Variants in CDKL5 observed in about 807,000 individuals in gnomAD.
CDKL5 encodes the protein cyclin dependent kinase like 5, also known as cyclin-dependent kinase-like 5.
Under a neutral mutation model 61.7 loss-of-function variants are expected in CDKL5, and 8 were observed. The observed-to-expected ratio is 0.13, with a 90% CI of 0.08 to 0.23. The LOEUF is 0.23. CDKL5 is among the 10% of genes least tolerant of loss of function. CDKL5 has a pLI of 1.00. For synonymous variants in CDKL5, 275 were observed against 272.3 expected, an observed-to-expected ratio of 1.01 and a Z score of -0.10; for missense variants, 440 against 734.5, an observed-to-expected ratio of 0.60 and a Z score of 4.63.
chrX:18,441,464 A>G (rs376009029), intron 1 of CDKL5, among the ~76,000 whole-genome samples: 1 of 110,939 alleles, frequency 9.0e-6, no homozygotes, highest in African/African-American at 3.3e-5. Context: ...CACTGCCCCT[A>G]TCTCTTCAGG....
chrX:18,633,442 C>G lies in CDKL5; in HGVS notation c.*4685C>G. 1 of 754,524 alleles carries G rather than the reference C, an allele frequency of 1.3e-6. No homozygotes were observed. Among genetic ancestry groups the G allele is most frequent in the Non-Finnish European group, 1.6e-6 (1 of 639,410 alleles). The allele number at this position is 754,524 out of a possible 1,213,427, so 62.2% of individuals were successfully genotyped here. On this transcript the variant is annotated 3_prime_UTR_variant, in exon 18 of 18. Coordinates refer to ENST00000623535, the MANE Select transcript of CDKL5 (RefSeq NM_001323289.2). ...CCAGAATCTCACAAGAAGATCCTCT[C>G]AAAGACTTAAAAGCCTGGCTTACAA...
intron 21 of CDKL5, chrX:18,653,385 G>A (rs375094737): frequency 3.0e-5 from 36 of 1,197,964 alleles, no homozygotes; most frequent in Non-Finnish European, 4.0e-5. Context: ...ACCTGCTAGC[G>A]CTCCTGGCAG....
Position 18,631,645 on chromosome X carries a change from T to G in CDKL5, c.*2888T>G, listed in dbSNP as rs1445693477. On this transcript the variant is annotated 3_prime_UTR_variant, in exon 18 of 18. Transcript: ENST00000623535. Reference sequence around the variant, plus strand: ...GTAACTTCCTAAAGAAGAAAAAGGGTGAATGAAAGCTTATGTTACTTTTAT... The same window carrying G: ...GTAACTTCCTAAAGAAGAAAAAGGGGGAATGAAAGCTTATGTTACTTTTAT... 19 of 752,377 alleles carry G rather than the reference T, an allele frequency of 2.5e-5. No individual in the cohort carries two copies. The highest frequency in any genetic ancestry group is 3.0e-5 in the Non-Finnish European group (19 of 638,512). The allele number at this position is 752,377 out of a possible 1,213,427, so 62.0% of individuals were successfully genotyped here.
intron 1 of CDKL5, among the ~76,000 whole-genome samples, chrX:18,470,919 A>G (rs1921072335): frequency 8.9e-6 from 1 of 111,979 alleles, no homozygotes; most frequent in Non-Finnish European, 1.9e-5. Flanking sequence ...GAAGAGCTGG[A>G]CACAGAGGGG....
chrX:18,608,180 G>A (rs1283244388), intron 12 of CDKL5, among the ~76,000 whole-genome samples: 2 of 111,466 alleles, frequency 1.8e-5, no homozygotes, highest in African/African-American at 3.3e-5. Flanking sequence ...ATAGTGGTAT[G>A]TCTTTGGAGA....
At chrX:18,570,569 C>A (rs1199202197) in intron 4 of CDKL5, among the ~76,000 whole-genome samples, 1 of 111,134 alleles carries the variant, frequency 9.0e-6, no homozygotes, top group Admixed American at 9.6e-5. Flanking sequence ...GTTGATTTTT[C>A]TTTATCAGTT....
intron 17 of CDKL5, among the ~76,000 whole-genome samples, chrX:18,625,961 G>A (rs1411581870): frequency 3.6e-5 from 4 of 110,833 alleles, no homozygotes; most frequent in Non-Finnish European, 7.5e-5. Context: ...TTATTCTTCT[G>A]CACTATAATT....
chrX:18,428,698 G>T (rs1212142672), intron 1 of CDKL5, among the ~76,000 whole-genome samples: 2 of 108,724 alleles, frequency 1.8e-5, no homozygotes, highest in African/African-American at 6.7e-5. Context: ...TATTTACTCA[G>T]AATTGGGTAA....
At chrX:18,448,196 T>C (rs1325324233) in intron 1 of CDKL5, among the ~76,000 whole-genome samples, 2 of 112,401 alleles carry the variant, frequency 1.8e-5, no homozygotes, top group East Asian at 2.8e-4. Context: ...TTTTCTGAGA[T>C]CCACCTGGGC....
At chrX:18,574,171 T>C (rs1925221822) in intron 4 of CDKL5, among the ~76,000 whole-genome samples, 1 of 111,970 alleles carries the variant, frequency 8.9e-6, no homozygotes, top group African/African-American at 3.3e-5. Flanking sequence ...CAAAAGCTTG[T>C]GGCTACATGT....
intron 8 of CDKL5, among the ~76,000 whole-genome samples, chrX:18,587,242 A>G (rs777209726): frequency 1.8e-5 from 2 of 111,381 alleles, no homozygotes; most frequent in Non-Finnish European, 3.8e-5. Flanking sequence ...CTAGATTTTC[A>G]TATACAACCT....
chrX:18,431,737 G>A (rs185433229), intron 1 of CDKL5, among the ~76,000 whole-genome samples: 93 of 110,825 alleles, frequency 8.4e-4, no homozygotes, highest in African/African-American at 3.0e-3. Flanking sequence ...TAATGGAGGT[G>A]TACTTTACAT....
intron 1 of CDKL5, among the ~76,000 whole-genome samples, chrX:18,442,742 C>T (rs1363548417): frequency 9.0e-6 from 1 of 111,659 alleles, no homozygotes; most frequent in Non-Finnish European, 1.9e-5. Flanking sequence ...GATCCGCCCG[C>T]CTCGGCCTCC....
downstream of CDKL5, chrX:18,644,461 A>T: frequency 8.3e-7 from 1 of 1,211,092 alleles, no homozygotes; most frequent in Non-Finnish European, 1.1e-6. Context: ...CTTGTAGTAA[A>T]TCCAGTTCAG....
chrX:18,519,387 G>A (rs1923165642), intron 3 of CDKL5, among the ~76,000 whole-genome samples: 1 of 111,987 alleles, frequency 8.9e-6, no homozygotes, highest in Admixed American at 9.5e-5. Context: ...GGAGAATATT[G>A]TGGGAACAGC....
At chrX:18,619,384 C>T (rs1926819474) in intron 15 of CDKL5, among the ~76,000 whole-genome samples, 1 of 111,132 alleles carries the variant, frequency 9.0e-6, no homozygotes, top group Admixed American at 9.6e-5. Flanking sequence ...CAAATTTTTA[C>T]TTTCATTCAA....
chrX:18,638,866 G>A lies in CDKL5; in HGVS notation c.*10109G>A, dbSNP rs1292161194. On this transcript the variant is annotated 3_prime_UTR_variant, in exon 18 of 18. Coordinates refer to ENST00000623535, the MANE Select transcript of CDKL5 (RefSeq NM_001323289.2). ...AGAAAGTGAGGTAATAGAATTTGGA[G>A]TCCAGAAATAAACCCTCTCACATTT... Among the ~76,000 whole-genome samples the A allele has an allele frequency of 5.4e-5, 6 of 112,117 alleles. No individual in the cohort carries two copies. The highest frequency in any genetic ancestry group is 1.9e-5 in the Non-Finnish European group (1 of 53,266).
chrX:18,513,381 T>G (rs1338115576), intron 3 of CDKL5, among the ~76,000 whole-genome samples: 1 of 111,525 alleles, frequency 9.0e-6, no homozygotes, highest in Non-Finnish European at 1.9e-5. Flanking sequence ...ACTCTGATTT[T>G]TAGTTACTGT....
In CDKL5 at chrX:18,653,336, C is replaced by T. The variant is rs563894568; in HGVS notation, c.2981-96C>T. 2.4e-4 allele frequency: 279 copies of T among 1,160,921 alleles called. No individual in the cohort carries two copies. In the South Asian group the frequency reaches 5.0e-3, roughly 21 times the overall value. ...ATTAGGAGGCCAGAATGCATGTGGC[C>T]TTCTGCTCCGTGGGGGGCCCGGGCA... On this transcript the variant is annotated intron_variant, in intron 21 of 21. Transcript: ENST00000379989.
Sources: allele counts gnomAD v4.1 joint callset (sites outside exome capture counted in the v4.1 genomes callset), GRCh38; gene constraint gnomAD v4.1.1; transcripts MANE v1.5; gene names NCBI Gene and HGNC (gene_info 2026-07-23, HGNC 2026-07-21).